GRM5: variants seen among roughly 807,000 people sequenced by gnomAD.
The protein encoded by GRM5 is glutamate metabotropic receptor 5.
In GRM5, 19 loss-of-function variants were observed where a neutral mutation model predicts 83.1. That is an observed-to-expected ratio of 0.23 (90% CI 0.16 to 0.34). The LOEUF is 0.34. Among genes scored for constraint, GRM5 ranks in the 10% least tolerant of loss-of-function variants. The probability of loss-of-function intolerance (pLI) is 1.00; values close to 1 mark genes in which losing one functional copy is unlikely to be tolerated. For synonymous variants in GRM5, 675 were observed against 633.6 expected, an observed-to-expected ratio of 1.07 and a Z score of -0.98; for missense variants, 1,160 against 1,588.3, an observed-to-expected ratio of 0.73 and a Z score of 4.58.
At chr11:88,511,568 C>T (rs1045527993) in intron 9 of GRM5, among the ~76,000 whole-genome samples, 3 of 152,196 alleles carry the variant, frequency 2.0e-5, no homozygotes, top group Non-Finnish European at 4.4e-5. Flanking sequence ...TGAGCTTCTT[C>T]CACCCCACTC....
intron 8 of GRM5, among the ~76,000 whole-genome samples, chr11:88,547,522 C>T (rs1208162111): frequency 6.6e-6 from 1 of 152,122 alleles, no homozygotes; most frequent in Non-Finnish European, 1.5e-5. Context: ...AATGCCTTCC[C>T]TATATAAGCA....
intron 3 of GRM5, among the ~76,000 whole-genome samples, chr11:88,712,443 T>C (rs532679607): frequency 7.2e-5 from 11 of 152,144 alleles, no homozygotes; most frequent in South Asian, 2.1e-4. Flanking sequence ...AGTGGTCTCA[T>C]TGGAGTTTTA....
intron 3 of GRM5, among the ~76,000 whole-genome samples, chr11:88,815,858 G>A (rs531542592): frequency 4.7e-4 from 72 of 152,256 alleles, no homozygotes; most frequent in South Asian, 3.3e-3. Context: ...ATGTTTGGGG[G>A]ACAAGCATGC....
intron 2 of GRM5, among the ~76,000 whole-genome samples, chr11:88,853,317 T>C (rs527529059): frequency 1.3e-5 from 2 of 152,094 alleles, no homozygotes; most frequent in East Asian, 1.9e-4. Context: ...ACTTTTACAA[T>C]GACAATTAAA....
chr11:88,718,071 A>G (rs1354525196), intron 3 of GRM5, among the ~76,000 whole-genome samples: 4 of 151,852 alleles, frequency 2.6e-5, no homozygotes, highest in South Asian at 4.1e-4. Context: ...CTGAGTTACC[A>G]TACAAGATCC....
chr11:88,906,153 T>A (rs1340970166), intron 2 of GRM5, among the ~76,000 whole-genome samples: 4 of 152,178 alleles, frequency 2.6e-5, no homozygotes, highest in Non-Finnish European at 5.9e-5. Context: ...CCATTGATAT[T>A]TATTGACAAG....
At chr11:88,999,082 T>C (rs1010159690) in intron 2 of GRM5, among the ~76,000 whole-genome samples, 1 of 152,064 alleles carries the variant, frequency 6.6e-6, no homozygotes, top group Non-Finnish European at 1.5e-5. Flanking sequence ...TATACAAAAA[T>C]CAATTCAAGA....
intron 3 of GRM5, among the ~76,000 whole-genome samples, chr11:88,662,734 T>C (rs1368315637): frequency 1.3e-5 from 2 of 152,114 alleles, no homozygotes; most frequent in Middle Eastern, 3.2e-3. Flanking sequence ...GCTTTCCTGA[T>C]GGAGGGAGCT....
intron 1 of GRM5, among the ~76,000 whole-genome samples, chr11:89,057,946 C>G (rs1258071975): frequency 6.6e-6 from 1 of 152,084 alleles, no homozygotes; most frequent in Non-Finnish European, 1.5e-5. Flanking sequence ...GTTACTACCT[C>G]TAGAAATCGA....
chr11:88,858,657 C>A (rs1389083960), intron 2 of GRM5, among the ~76,000 whole-genome samples: 2 of 151,740 alleles, frequency 1.3e-5, no homozygotes, highest in African/African-American at 4.8e-5. Flanking sequence ...GATTCCTGAG[C>A]CCTGGAATCG....
At chr11:88,722,881 A>G (rs1039885194) in intron 3 of GRM5, among the ~76,000 whole-genome samples, 1 of 147,758 alleles carries the variant, frequency 6.8e-6, no homozygotes, top group Non-Finnish European at 1.5e-5. Context: ...ACTGAAGTCT[A>G]TAGTTTACTT....
At chr11:88,955,071 TC>T (rs974991520) in intron 2 of GRM5, among the ~76,000 whole-genome samples, 7 of 152,322 alleles carry the variant, frequency 4.6e-5, no homozygotes, top group African/African-American at 1.4e-4. Context: ...GTGTTTTTTT[TC>T]CCCCATTGGC....
chr11:88,882,375 C>A (rs1037592083), intron 2 of GRM5, among the ~76,000 whole-genome samples: 1 of 143,652 alleles, frequency 7.0e-6, no homozygotes, highest in Non-Finnish European at 1.5e-5. Context: ...CACGGTGAAA[C>A]CCCATCTCTA....
At chr11:89,027,995 C>G (rs1280535823) in intron 2 of GRM5, among the ~76,000 whole-genome samples, 1 of 152,146 alleles carries the variant, frequency 6.6e-6, no homozygotes, top group Non-Finnish European at 1.5e-5. Flanking sequence ...TTCCTTGGAT[C>G]TTCTGCCATG....
At chr11:88,861,638 G>GTT (rs1251012370) in intron 2 of GRM5, among the ~76,000 whole-genome samples, 2 of 151,846 alleles carry the variant, frequency 1.3e-5, no homozygotes, top group Non-Finnish European at 2.9e-5. Context: ...GATAATTTTT[G>GTT]TATTTTTTTG....
In GRM5 at chr11:88,525,716, A is replaced by G. The variant is rs551504135; in HGVS notation, c.2631-312T>C. On this transcript the variant is annotated intron_variant, in intron 8 of 9. Transcript: ENST00000305447. The stretch of plus-strand genomic sequence containing the variant: ...GTGCAATTTCTAGCATCTTAGAAAA[A>G]GATGAATATCAATCAACACATTAGA... Among the ~76,000 whole-genome samples, 16 of 152,362 alleles carry G rather than the reference A, an allele frequency of 1.1e-4. No homozygotes were observed. In the South Asian group the frequency reaches 3.3e-3, roughly 32 times the overall value.
chr11:88,915,824 T>C (rs1466300013), intron 2 of GRM5, among the ~76,000 whole-genome samples: 2 of 151,902 alleles, frequency 1.3e-5, no homozygotes, highest in African/African-American at 4.8e-5. Context: ...TAACTAGAGG[T>C]TTTGTTGTGC....
Position 88,931,276 on chromosome 11 carries a change from C to T in GRM5, c.662-81121G>A, listed in dbSNP as rs181585914. ...TTCAACAAATATTTTATGTACTTTG[C>T]CAGTCACTGTAATATTGAGTTCTGA... On this transcript the variant is annotated intron_variant, in intron 2 of 9. Transcript: ENST00000305447. Among the ~76,000 whole-genome samples, 15 of 151,648 alleles carry T rather than the reference C, an allele frequency of 9.9e-5. No individual in the cohort carries two copies. In the East Asian group the frequency reaches 2.5e-3, roughly 26 times the overall value.
At chr11:88,789,800 C>A (rs1464227464) in intron 3 of GRM5, among the ~76,000 whole-genome samples, 3 of 152,146 alleles carry the variant, frequency 2.0e-5, no homozygotes, top group Non-Finnish European at 2.9e-5. Context: ...AATGTACTTG[C>A]AGCTTCCTAA....
Sources: gnomAD v4.1 joint callset for allele counts (sites outside exome capture counted in the v4.1 genomes callset) on GRCh38, gnomAD v4.1.1 for gene constraint, MANE v1.5 for transcripts, NCBI Gene and HGNC (gene_info 2026-07-23, HGNC 2026-07-21) for gene names.